MTUS2: variants seen among roughly 807,000 people sequenced by gnomAD.
MTUS2 encodes microtubule associated scaffold protein 2, also known as microtubule-associated tumor suppressor candidate 2.
A neutral mutation model predicts 114.1 loss-of-function variants in MTUS2; 40 were observed. That is an observed-to-expected ratio of 0.35 (90% CI 0.27 to 0.46). The LOEUF is 0.46. MTUS2 is among the 20% of genes least tolerant of loss of function. The pLI is 1.00. For missense variants in MTUS2, 1,679 were observed against 1,705.4 expected (o/e 0.98, Z 0.27); for synonymous variants, 688 against 672.0 (o/e 1.02, Z -0.37).
chr13:29,424,350 T>G (rs1194204417), intron 8 of MTUS2, among the ~76,000 whole-genome samples: 1 of 145,392 alleles, frequency 6.9e-6, no homozygotes, highest in Non-Finnish European at 1.5e-5. Context: ...ATGTATCAAT[T>G]TAAAAATGTA....
intron 8 of MTUS2, among the ~76,000 whole-genome samples, chr13:29,383,475 A>G (rs1224423292): frequency 6.6e-6 from 1 of 152,156 alleles, no homozygotes; most frequent in East Asian, 1.9e-4. Flanking sequence ...TAGCGAAGGC[A>G]GGGACGTGTT....
intron 5 of MTUS2, among the ~76,000 whole-genome samples, chr13:29,160,829 C>G (rs1171142227): frequency 6.6e-6 from 1 of 152,092 alleles, no homozygotes; most frequent in East Asian, 1.9e-4. Context: ...GCATCCCCCG[C>G]CCCTGCATAG....
At chr13:28,844,198 G>A (rs2137999475) in intron 2 of MTUS2, among the ~76,000 whole-genome samples, 1 of 152,288 alleles carries the variant, frequency 6.6e-6, no homozygotes, top group South Asian at 2.1e-4. Flanking sequence ...GGCAGAAGCT[G>A]GGGAGTTTGC....
In MTUS2 at chr13:29,101,298, T is replaced by C. The variant is rs1890409836; in HGVS notation, c.2644+328T>C. On this transcript the variant is annotated intron_variant, in intron 5 of 15. Transcript: ENST00000612955. ...TCCAAGAAAGGTGTTACCTACATTG[T>C]GCTGTCATGAAACATACTAGATATT... Among the ~76,000 whole-genome samples, 3 of 151,956 alleles carry C rather than the reference T, an allele frequency of 2.0e-5. No homozygotes were observed. The South Asian group carries it at 6.2e-4, about 32-fold the overall frequency.
intron 5 of MTUS2, among the ~76,000 whole-genome samples, chr13:29,211,302 G>T (rs1182154751): frequency 6.6e-6 from 1 of 152,264 alleles, no homozygotes; most frequent in Non-Finnish European, 1.5e-5. Context: ...AGCCAGCAAG[G>T]CCAGTCTCAC....
chr13:28,955,636 A>G (rs1009238371), intron 2 of MTUS2, among the ~76,000 whole-genome samples: 34 of 152,252 alleles, frequency 2.2e-4, no homozygotes, highest in African/African-American at 6.7e-4. Flanking sequence ...TTGTAAGCCA[A>G]TCCTTTCTTA....
intron 5 of MTUS2, among the ~76,000 whole-genome samples, chr13:29,118,230 G>T (rs1227191279): frequency 6.6e-6 from 1 of 151,796 alleles, no homozygotes; most frequent in African/African-American, 2.4e-5. Context: ...CGGAAGCCTA[G>T]AATAGTGATA....
At chr13:29,238,464 G>T (rs2139386163) in intron 5 of MTUS2, among the ~76,000 whole-genome samples, 1 of 152,324 alleles carries the variant, frequency 6.6e-6, no homozygotes, top group African/African-American at 2.4e-5. Flanking sequence ...TGCGGCCAAA[G>T]GTCCAAGAGC....
At chr13:29,215,718 C>T (rs1593177204) in intron 5 of MTUS2, among the ~76,000 whole-genome samples, 1 of 152,258 alleles carries the variant, frequency 6.6e-6, no homozygotes. Context: ...TGCAGAACAG[C>T]AAAGATTGCT....
At position 29,503,846 on chromosome 13, in the gene MTUS2, A is replaced by G. The variant is rs1883070345; in HGVS notation, c.*640A>G. 2 of 234,114 alleles carry G rather than the reference A, an allele frequency of 8.5e-6. No individual in the cohort carries two copies. The highest frequency in any genetic ancestry group is 1.1e-4 in the Admixed American group (2 of 18,470). The allele number at this position is 234,114 out of a possible 1,614,324, so 14.5% of individuals were successfully genotyped here. A position where few individuals can be genotyped will look rare whatever the true frequency, so the allele number is the denominator to read the frequency against. On this transcript the variant is annotated 3_prime_UTR_variant, in exon 16 of 16. Transcript: ENST00000612955. ...TTTGTGAACGGTAACTGCCTTTGGA[A>G]CAATCAGCTTCTCAGTCAACATGAT...
intron 5 of MTUS2, among the ~76,000 whole-genome samples, chr13:29,171,594 T>C (rs1346145984): frequency 2.0e-5 from 3 of 152,176 alleles, no homozygotes; most frequent in Non-Finnish European, 1.5e-5. Flanking sequence ...GTAAGTTACA[T>C]CAGTTAGGGT....
intron 7 of MTUS2, among the ~76,000 whole-genome samples, chr13:29,344,207 C>G (rs1216385479): frequency 4.1e-5 from 6 of 147,356 alleles, no homozygotes; most frequent in Non-Finnish European, 6.0e-5. Context: ...CCTTTGTTGA[C>G]TTTCTGTCTT....
chr13:29,025,032 C>T lies in MTUS2; in HGVS notation c.334C>T (p.His112Tyr). 6.2e-7 allele frequency: 1 copy of T among 1,613,984 alleles called. No individual in the cohort carries two copies. Among genetic ancestry groups the T allele is most frequent in the Non-Finnish European group, 8.5e-7 (1 of 1,179,894 alleles). ...CATTCAGAGGGAACTCAATGAAGAG[C>T]ACACAGTGGAGAGAGGCACAGATAG... is the stretch of plus-strand genomic sequence containing the variant. ...STIQRELNEE[H>Y]TVERGTDSLQ... The change falls in exon 3 of 16, where the codon CAC becomes TAC. Residue 112 changes from histidine to tyrosine, a missense_variant. Coordinates refer to ENST00000612955, the MANE Select transcript of MTUS2 (RefSeq NM_001033602.4).
At chr13:28,903,254 T>C (rs1259048463) in intron 2 of MTUS2, among the ~76,000 whole-genome samples, 3 of 151,984 alleles carry the variant, frequency 2.0e-5, no homozygotes, top group African/African-American at 7.3e-5. Flanking sequence ...TTTTCTTTCT[T>C]ATTTTATTTT....
chr13:29,452,216 A>C (rs1014610953), intron 9 of MTUS2, among the ~76,000 whole-genome samples: 1 of 152,186 alleles, frequency 6.6e-6, no homozygotes, highest in Non-Finnish European at 1.5e-5. Context: ...ATCAGCTACA[A>C]TTTCACAAAA....
intron 7 of MTUS2, among the ~76,000 whole-genome samples, chr13:29,358,710 C>T (rs1160235048): frequency 6.6e-6 from 1 of 152,100 alleles, no homozygotes; most frequent in Admixed American, 6.5e-5. Context: ...GGAGACCTCA[C>T]AATACATTGG....
chr13:29,151,634 C>T (rs2139041140), intron 5 of MTUS2, among the ~76,000 whole-genome samples: 1 of 152,244 alleles, frequency 6.6e-6, no homozygotes, highest in African/African-American at 2.4e-5. Context: ...TGAATTCTTC[C>T]AGCTTTTATC....
chr13:29,480,379 C>A lies in MTUS2; in HGVS notation c.3399+15C>A, dbSNP rs989020248. 2.0e-6 allele frequency: 3 copies of A among 1,498,892 alleles called. No homozygotes were observed. The Admixed American group carries it at 6.7e-5, about 34-fold the overall frequency. 92.8% of individuals were successfully genotyped at this position (1,498,892 alleles called of 1,614,324 possible). On this transcript the variant is annotated intron_variant, in intron 10 of 15. Transcript: ENST00000612955. The surrounding 1 kb of genome is among the most constrained non-coding windows in gnomAD (Gnocchi z 4.4). Reference sequence around the variant, plus strand: ...ACCAGGAGCAGGTCAGTCTGCAGTGCGGCTCGAGCTCTGCTGTTGGGTGAT... The same window carrying A: ...ACCAGGAGCAGGTCAGTCTGCAGTGAGGCTCGAGCTCTGCTGTTGGGTGAT...
At chr13:29,204,344 T>C (rs1218826116) in intron 5 of MTUS2, among the ~76,000 whole-genome samples, 3 of 152,208 alleles carry the variant, frequency 2.0e-5, no homozygotes, top group African/African-American at 7.2e-5. Flanking sequence ...ATGATTTTCA[T>C]GGTCACCAGG....
Sources: gnomAD v4.1 joint callset for allele counts (sites outside exome capture counted in the v4.1 genomes callset) on GRCh38, gnomAD v4.1.1 for gene constraint, Gnocchi (gnomAD v3.1) non-coding constraint, MANE v1.5 for transcripts, NCBI Gene and HGNC (gene_info 2026-07-23, HGNC 2026-07-21) for gene names.